KIRREL3: variants seen among roughly 807,000 people sequenced by gnomAD.
KIRREL3 encodes kin of IRRE-like protein 3.
In KIRREL3, 36 loss-of-function variants were observed where a neutral mutation model predicts 89.7. The observed-to-expected ratio is 0.40, with a 90% CI of 0.31 to 0.53. The LOEUF is 0.53. Among genes scored for constraint, KIRREL3 ranks in the 20% least tolerant of loss-of-function variants. The probability of loss-of-function intolerance (pLI) is 0.49; values close to 1 mark genes in which losing one functional copy is unlikely to be tolerated. For synonymous variants in KIRREL3, 445 were observed against 441.4 expected, an observed-to-expected ratio of 1.01 and a Z score of -0.10; for missense variants, 864 against 1,056.6, an observed-to-expected ratio of 0.82 and a Z score of 2.53.
At position 126,571,282 on chromosome 11, in the gene KIRREL3, G is replaced by T. The variant is rs540771400; in HGVS notation, c.56-8370C>A. 1.4e-4 allele frequency among the ~76,000 whole-genome samples: 21 copies of T among 152,250 alleles called. No homozygotes were observed. In the South Asian group the frequency reaches 4.4e-3, roughly 32 times the overall value. On this transcript the variant is annotated intron_variant, in intron 1 of 16. Transcript: ENST00000525144. The surrounding 1 kb of genome is among the most constrained non-coding windows in gnomAD (Gnocchi z 7.7). ...GGATCTTTCTCCCAACTGATGAATT[G>T]CCTGGAATTCTGACACAGCCATCAG... is the stretch of plus-strand genomic sequence containing the variant.
intron 4 of KIRREL3, among the ~76,000 whole-genome samples, chr11:126,504,839 G>A (rs1034180076): frequency 4.6e-5 from 7 of 152,168 alleles, no homozygotes; most frequent in Non-Finnish European, 1.0e-4. Context: ...AGGAATTCAA[G>A]GTTGGCTTAA....
In KIRREL3 at chr11:126,555,717, C is replaced by T. The variant is rs777014465; in HGVS notation, c.133+7118G>A. On this transcript the variant is annotated intron_variant, in intron 2 of 16. Coordinates refer to ENST00000525144, the MANE Select transcript of KIRREL3 (RefSeq NM_032531.4). This position sits in a 1 kb window ranked among gnomAD's most constrained non-coding sequence, Gnocchi z 4.2. ...AGGTAGGAACCAGATCACGTGGCACCTTGTAGAACATGCTAACAATGTGAG... is the reference window on the plus strand; with the variant it reads ...AGGTAGGAACCAGATCACGTGGCACTTTGTAGAACATGCTAACAATGTGAG... Among the ~76,000 whole-genome samples the T allele has an allele frequency of 1.3e-5, 2 of 150,362 alleles. No individual in the cohort carries two copies. The highest frequency in any genetic ancestry group is 2.9e-5 in the Non-Finnish European group (2 of 67,856).
At chr11:126,840,426 C>CT (rs1244899524) in intron 1 of KIRREL3, among the ~76,000 whole-genome samples, 1 of 152,142 alleles carries the variant, frequency 6.6e-6, no homozygotes, top group Admixed American at 6.5e-5. Context: ...ATCTGAGAAT[C>CT]TGAGTTGAAA....
At chr11:126,725,646 G>A (rs1208299448) in intron 1 of KIRREL3, among the ~76,000 whole-genome samples, 2 of 152,314 alleles carry the variant, frequency 1.3e-5, no homozygotes, top group Non-Finnish European at 2.9e-5. Context: ...TCTGGAGGAG[G>A]CCTGTCAGGG....
At position 126,883,786 on chromosome 11, in the gene KIRREL3, T is replaced by C. The variant is rs1048110103; in HGVS notation, c.55+116669A>G. 1.1e-4 allele frequency among the ~76,000 whole-genome samples: 17 copies of C among 152,164 alleles called. No homozygotes were observed. Among genetic ancestry groups the C allele is most frequent in the East Asian group, 5.8e-4 (3 of 5,174 alleles). The stretch of plus-strand genomic sequence containing the variant: ...CTAAAAGCTACTAAAAAAATGCTTG[T>C]TTGAAATTAAAGATCCAATGTTAGA... On this transcript the variant is annotated intron_variant, in intron 1 of 16. Transcript: ENST00000525144. The surrounding 1 kb of genome is among the most constrained non-coding windows in gnomAD (Gnocchi z 4.1).
At chr11:126,649,723 C>T (rs1030936125) in intron 1 of KIRREL3, among the ~76,000 whole-genome samples, 11 of 152,180 alleles carry the variant, frequency 7.2e-5, no homozygotes, top group African/African-American at 4.8e-5. Context: ...TGAGTGTCTG[C>T]GGCTCTTCCA....
At chr11:126,820,944 T>C (rs1943191416) in intron 1 of KIRREL3, among the ~76,000 whole-genome samples, 1 of 152,008 alleles carries the variant, frequency 6.6e-6, no homozygotes, top group Admixed American at 6.6e-5. Flanking sequence ...GCCCCCAAGG[T>C]GCTGGATGGG....
rs973632404 is a variant in KIRREL3, at chr11:126,553,368, G to A, written c.133+9467C>T. 1.3e-5 allele frequency among the ~76,000 whole-genome samples: 2 copies of A among 152,222 alleles called. No individual in the cohort carries two copies. The highest frequency in any genetic ancestry group is 3.9e-4 in the East Asian group (2 of 5,166). ...CTAGGCAAGACCCATTTGTAGACCC[G>A]CAGCACCAGTCTCACTTGCTAGCTG... On this transcript the variant is annotated intron_variant, in intron 2 of 16. Transcript: ENST00000525144. This position sits in a 1 kb window ranked among gnomAD's most constrained non-coding sequence, Gnocchi z 4.7.
rs1944070915 is a variant in KIRREL3 at position 126,844,454 on chromosome 11, A to T, written c.55+156001T>A. Among the ~76,000 whole-genome samples, 1 of 152,162 alleles carries T rather than the reference A, an allele frequency of 6.6e-6. No homozygotes were observed. On this transcript the variant is annotated intron_variant, in intron 1 of 16. Coordinates refer to ENST00000525144, the MANE Select transcript of KIRREL3 (RefSeq NM_032531.4). The surrounding 1 kb of genome is among the most constrained non-coding windows in gnomAD (Gnocchi z 4.8). ...CAACCCAAAGGAAATAGACTGCAGCACTGATTGGCAGATTTTGGGTAGGTG... is the reference window on the plus strand; with the variant it reads ...CAACCCAAAGGAAATAGACTGCAGCTCTGATTGGCAGATTTTGGGTAGGTG...
intron 1 of KIRREL3, among the ~76,000 whole-genome samples, chr11:126,927,232 ACAC>A (rs1947757746): frequency 4.1e-5 from 1 of 24,208 alleles, no homozygotes; most frequent in South Asian, 1.1e-3. Context: ...GAGTAAGCAC[ACAC>A]ACACACACGC....
chr11:126,825,726 A>C (rs1943383371), intron 1 of KIRREL3, among the ~76,000 whole-genome samples: 1 of 152,130 alleles, frequency 6.6e-6, no homozygotes, highest in South Asian at 2.1e-4. Context: ...CCCTTGGGTC[A>C]AGCACTTTAT....
chr11:126,902,405 G>A (rs529416166), intron 1 of KIRREL3, among the ~76,000 whole-genome samples: 180 of 152,246 alleles, frequency 1.2e-3, no homozygotes, highest in Middle Eastern at 6.8e-3. Context: ...TGAAATATGT[G>A]CATGCACACA....
In KIRREL3 at chr11:126,440,129, G is replaced by A. The variant is rs1003861276; in HGVS notation, c.1353+320C>T. The A allele has an allele frequency of 1.6e-5, 9 of 566,662 alleles. No individual in the cohort carries two copies. In the Admixed American group the frequency reaches 2.0e-4, roughly 13 times the overall value. 35.1% of individuals were successfully genotyped at this position (566,662 alleles called of 1,614,324 possible). On this transcript the variant is annotated intron_variant, in intron 11 of 16. Transcript: ENST00000525144. Reference sequence around the variant, plus strand: ...TAAAGACTGGCCTGGAGCCCAGGAAGAGAAGAAGTCACTTGTCTTTTCTCT... The same window carrying A: ...TAAAGACTGGCCTGGAGCCCAGGAAAAGAAGAAGTCACTTGTCTTTTCTCT...
At position 126,576,535 on chromosome 11, in the gene KIRREL3, A is replaced by G. The variant is rs775881754; in HGVS notation, c.56-13623T>C. On this transcript the variant is annotated intron_variant, in intron 1 of 16. Coordinates refer to ENST00000525144, the MANE Select transcript of KIRREL3 (RefSeq NM_032531.4). The surrounding 1 kb of genome is among the most constrained non-coding windows in gnomAD (Gnocchi z 5.4). The stretch of plus-strand genomic sequence containing the variant: ...ACGTAATTTAGAGGTAGGAAGTTTC[A>G]TGTGGGTTTGGGCAAATTATTAAAC... 6.6e-6 allele frequency among the ~76,000 whole-genome samples: 1 copy of G among 152,184 alleles called. No individual in the cohort carries two copies. The highest frequency in any genetic ancestry group is 1.5e-5 in the Non-Finnish European group (1 of 68,042).
Position 126,643,949 on chromosome 11 carries a change from G to T in KIRREL3, c.56-81037C>A, listed in dbSNP as rs921969721. ...GAAAAGGCAAGAGTTTTTGCAGGAA[G>T]GTAAGCTATGTGCTAGATGGAGAGT... On this transcript the variant is annotated intron_variant, in intron 1 of 16. Transcript: ENST00000525144. The surrounding 1 kb of genome is among the most constrained non-coding windows in gnomAD (Gnocchi z 4.5). 1.3e-5 allele frequency among the ~76,000 whole-genome samples: 2 copies of T among 152,168 alleles called. No homozygotes were observed. The highest frequency in any genetic ancestry group is 1.3e-4 in the Admixed American group (2 of 15,288).
At chr11:126,799,471 T>TGTG in intron 1 of KIRREL3, among the ~76,000 whole-genome samples, 1 of 4,254 alleles carries the variant, frequency 2.4e-4, no homozygotes, top group Non-Finnish European at 5.9e-4. Flanking sequence ...CATGTGTGTA[T>TGTG]CTGTGTGTGT....
Position 126,724,755 on chromosome 11 carries a change from G to A in KIRREL3, c.56-161843C>T, listed in dbSNP as rs1391228693. On this transcript the variant is annotated intron_variant, in intron 1 of 16. Coordinates refer to ENST00000525144, the MANE Select transcript of KIRREL3 (RefSeq NM_032531.4). This position sits in a 1 kb window ranked among gnomAD's most constrained non-coding sequence, Gnocchi z 4.3. ...ACTGAGACCTGCTTATGGGCCAAGGGTTCTTAGTATTAGATAAGAGTCAGG... is the reference window on the plus strand; with the variant it reads ...ACTGAGACCTGCTTATGGGCCAAGGATTCTTAGTATTAGATAAGAGTCAGG... Among the ~76,000 whole-genome samples, 1 of 152,160 alleles carries A rather than the reference G, an allele frequency of 6.6e-6. No homozygotes were observed. The highest frequency in any genetic ancestry group is 1.5e-5 in the Non-Finnish European group (1 of 68,034).
rs528390610 is a variant in KIRREL3, at chr11:126,844,997, T to C, written c.55+155458A>G. Reference sequence around the variant, plus strand: ...TGCACAATGCTTTTTTCTCTTTCTCTTTTTGATCTTTTCTGTTACTCAGGG... The same window carrying C: ...TGCACAATGCTTTTTTCTCTTTCTCCTTTTGATCTTTTCTGTTACTCAGGG... On this transcript the variant is annotated intron_variant, in intron 1 of 16. Transcript: ENST00000525144. This position sits in a 1 kb window ranked among gnomAD's most constrained non-coding sequence, Gnocchi z 4.8. 6.6e-6 allele frequency among the ~76,000 whole-genome samples: 1 copy of C among 152,218 alleles called. No individual in the cohort carries two copies. The highest frequency in any genetic ancestry group is 1.9e-4 in the East Asian group (1 of 5,140).
In KIRREL3 at chr11:126,981,576, A is replaced by G. The variant is rs898809328; in HGVS notation, c.55+18879T>C. Among the ~76,000 whole-genome samples, 1 of 152,224 alleles carries G rather than the reference A, an allele frequency of 6.6e-6. No homozygotes were observed. Among genetic ancestry groups the G allele is most frequent in the Non-Finnish European group, 1.5e-5 (1 of 68,038 alleles). ...CACCCGACTCTATGAAGCAAAGGCA[A>G]GGAGGTATTTCTTAATCTGAGAAGA... is the stretch of plus-strand genomic sequence containing the variant. On this transcript the variant is annotated intron_variant, in intron 1 of 16. Coordinates refer to ENST00000525144, the MANE Select transcript of KIRREL3 (RefSeq NM_032531.4). The surrounding 1 kb of genome is among the most constrained non-coding windows in gnomAD (Gnocchi z 4.2).
Sources: allele counts gnomAD v4.1 joint callset (sites outside exome capture counted in the v4.1 genomes callset), GRCh38; gene constraint gnomAD v4.1.1; non-coding constraint Gnocchi (gnomAD v3.1); transcripts MANE v1.5; gene names NCBI Gene and HGNC (gene_info 2026-07-23, HGNC 2026-07-21).